The following LRCH1 variants were observed in gnomAD, a reference collection of about 807,000 sequenced individuals.
The protein encoded by LRCH1 is leucine-rich repeat and calponin homology domain-containing protein 1.
Under a neutral mutation model 94.9 loss-of-function variants are expected in LRCH1, and 23 were observed. The observed-to-expected ratio is 0.24, with a 90% CI of 0.17 to 0.34. LRCH1 has a LOEUF of 0.34. Among genes scored for constraint, LRCH1 ranks in the 10% least tolerant of loss-of-function variants. The probability of loss-of-function intolerance (pLI) is 1.00; values close to 1 mark genes in which losing one functional copy is unlikely to be tolerated. For synonymous variants in LRCH1, 364 were observed against 354.9 expected (o/e 1.03, Z -0.29); for missense variants, 790 against 945.9 (o/e 0.84, Z 2.16).
chr13:46,682,619 G>A (rs903933447), intron 4 of LRCH1, among the ~76,000 whole-genome samples: 1 of 152,144 alleles, frequency 6.6e-6, no homozygotes, highest in Non-Finnish European at 1.5e-5. Context: ...GCACTGGTTG[G>A]GAACTCCCAG....
chr13:46,612,313 T>C (rs2050756489), intron 1 of LRCH1, among the ~76,000 whole-genome samples: 1 of 152,176 alleles, frequency 6.6e-6, no homozygotes, highest in Non-Finnish European at 1.5e-5. Context: ...GTTAACACCT[T>C]CAATACAAAT....
chr13:46,560,025 C>T (rs28712005), intron 1 of LRCH1, among the ~76,000 whole-genome samples: 72,908 of 151,274 alleles, frequency 0.48, 19,440 homozygotes, highest in Admixed American at 0.59. Flanking sequence ...TTGTTTTGCC[C>T]GTGCTGTCCA....
chr13:46,700,766 C>T (rs1871422261), intron 10 of LRCH1, among the ~76,000 whole-genome samples: 1 of 152,220 alleles, frequency 6.6e-6, no homozygotes, highest in Admixed American at 6.5e-5. Context: ...GTAGTACAGA[C>T]TCAGCCAGGT....
chr13:46,726,197 A>T (rs569037592), intron 17 of LRCH1, among the ~76,000 whole-genome samples: 163 of 152,312 alleles, frequency 1.1e-3, no homozygotes, highest in Admixed American at 3.3e-3. Flanking sequence ...TGGAGTAGGC[A>T]TACTTTGCCC....
At chr13:46,694,586 G>C (rs527758848) in intron 8 of LRCH1, among the ~76,000 whole-genome samples, 65 of 152,070 alleles carry the variant, frequency 4.3e-4, no homozygotes, top group African/African-American at 1.5e-3. Context: ...ATTACTGAGG[G>C]CAAAAAAGCC....
intron 16 of LRCH1, among the ~76,000 whole-genome samples, chr13:46,716,693 T>C (rs111580187): frequency 3.9e-5 from 6 of 152,326 alleles, no homozygotes; most frequent in African/African-American, 1.4e-4. Context: ...AATTTCCTTA[T>C]GGAGAAAGAC....
intron 13 of LRCH1, among the ~76,000 whole-genome samples, chr13:46,710,802 C>T (rs188878348): frequency 1.7e-4 from 26 of 152,248 alleles, no homozygotes; most frequent in African/African-American, 4.6e-4. Context: ...TATGAGCTAA[C>T]GCCCAATTTT....
At position 46,687,109 on chromosome 13, in the gene LRCH1, CCACCA is replaced by C. The variant is rs111957570; in HGVS notation, c.823-738_823-734del. Among the ~76,000 whole-genome samples, 1,389 of 152,104 alleles carry C rather than the reference CCACCA, an allele frequency of 9.1e-3. 18 individuals carry two copies. The highest frequency in any genetic ancestry group is 0.031 in the African/African-American group (1,300 of 41,498). On this transcript the variant is annotated intron_variant, in intron 5 of 19. Transcript: ENST00000389797. ...GAGTAGCTGGGACTACAGGCGCCTG[CCACCA>C]CACCTGGATAGTTTTTGTATTTTTA...
intron 1 of LRCH1, among the ~76,000 whole-genome samples, chr13:46,555,750 G>C (rs2050057158): frequency 6.6e-6 from 1 of 152,198 alleles, no homozygotes; most frequent in Non-Finnish European, 1.5e-5. Context: ...AACCCCATCA[G>C]AAAAGTATTC....
intron 2 of LRCH1, among the ~76,000 whole-genome samples, chr13:46,651,009 T>C (rs1360907806): frequency 6.6e-6 from 1 of 152,158 alleles, no homozygotes; most frequent in Non-Finnish European, 1.5e-5. Context: ...ATTAAGAAAA[T>C]CAGTTATTTT....
At chr13:46,595,064 A>G (rs557527792) in intron 1 of LRCH1, among the ~76,000 whole-genome samples, 2 of 152,292 alleles carry the variant, frequency 1.3e-5, no homozygotes, top group East Asian at 3.9e-4. Context: ...TATTAATACC[A>G]TGATGATCAT....
intron 1 of LRCH1, among the ~76,000 whole-genome samples, chr13:46,560,095 A>T (rs28489097): frequency 0.13 from 18,723 of 143,118 alleles, 1,209 homozygotes; most frequent in Middle Eastern, 0.23. Context: ...TTGCTTGTTT[A>T]AACACAAGCT....
intron 13 of LRCH1, among the ~76,000 whole-genome samples, chr13:46,710,444 G>A (rs189591480): frequency 1.3e-5 from 2 of 152,214 alleles, no homozygotes; most frequent in East Asian, 3.9e-4. Context: ...CATACTTTAG[G>A]TGACTGTCCA....
At chr13:46,686,988 T>C (rs1870651246) in intron 5 of LRCH1, among the ~76,000 whole-genome samples, 1 of 130,134 alleles carries the variant, frequency 7.7e-6, no homozygotes, top group Admixed American at 8.9e-5. Flanking sequence ...AGACAGAGTC[T>C]CGCTCTGTCG....
chr13:46,660,875 C>T (rs939150019), intron 2 of LRCH1, among the ~76,000 whole-genome samples: 4 of 152,104 alleles, frequency 2.6e-5, no homozygotes, highest in Non-Finnish European at 5.9e-5. Context: ...CTTAGATGTC[C>T]TAGTGACCCT....
chr13:46,615,433 G>A (rs1426825206), intron 1 of LRCH1, among the ~76,000 whole-genome samples: 3 of 152,114 alleles, frequency 2.0e-5, no homozygotes, highest in Admixed American at 6.5e-5. Flanking sequence ...TGAGTGATCC[G>A]TCCCTGTGAC....
intron 17 of LRCH1, among the ~76,000 whole-genome samples, chr13:46,724,080 C>T (rs936137881): frequency 6.6e-6 from 1 of 152,168 alleles, no homozygotes; most frequent in African/African-American, 2.4e-5. Flanking sequence ...CCTGTGCCTT[C>T]TGGGCTAAAG....
intron 3 of LRCH1, among the ~76,000 whole-genome samples, chr13:46,675,655 C>G (rs1403770773): frequency 6.6e-6 from 1 of 152,112 alleles, no homozygotes; most frequent in Non-Finnish European, 1.5e-5. Context: ...GCTTGGGTAG[C>G]GTTCCAATCT....
chr13:46,743,204 C>G lies in LRCH1; in HGVS notation c.*1356C>G. 1.0e-6 allele frequency: 1 copy of G among 985,772 alleles called. No individual in the cohort carries two copies. Among genetic ancestry groups the G allele is most frequent in the African/African-American group, 1.7e-5 (1 of 57,336 alleles). 61.1% of individuals were successfully genotyped at this position (985,772 alleles called of 1,614,324 possible). A position where few individuals can be genotyped will look rare whatever the true frequency, so the allele number is the denominator to read the frequency against. Reference sequence around the variant, plus strand: ...AGATGCAAACAGCTCTCATAGATGGCTACTACGAAGAAAATCTTATTTTTC... The same window carrying G: ...AGATGCAAACAGCTCTCATAGATGGGTACTACGAAGAAAATCTTATTTTTC... On this transcript the variant is annotated 3_prime_UTR_variant, in exon 20 of 20. Coordinates refer to ENST00000389797, the MANE Select transcript of LRCH1 (RefSeq NM_001164211.2).
Sources: gnomAD v4.1 joint callset for allele counts (sites outside exome capture counted in the v4.1 genomes callset) on GRCh38, gnomAD v4.1.1 for gene constraint, MANE v1.5 for transcripts, NCBI Gene and HGNC (gene_info 2026-07-23, HGNC 2026-07-21) for gene names.